The following TMEM108 variants were observed in gnomAD, a reference collection of about 807,000 sequenced individuals.
TMEM108 encodes cancer/testis antigen 124.
Under a neutral mutation model 35.1 loss-of-function variants are expected in TMEM108, and 12 were observed. The observed-to-expected ratio is 0.34, with a 90% confidence interval of 0.22 to 0.55. The LOEUF (loss-of-function observed/expected upper bound fraction) is 0.55. Among genes scored for constraint, TMEM108 ranks in the 20% least tolerant of loss-of-function variants. The pLI is 0.89. For synonymous variants in TMEM108, 287 were observed against 308.6 expected, an observed-to-expected ratio of 0.93 and a Z score of 0.73; for missense variants, 680 against 753.3, an observed-to-expected ratio of 0.90 and a Z score of 1.14.
At chr3:133,266,331 GCATGT>G (rs1293477303) in intron 3 of TMEM108, among the ~76,000 whole-genome samples, 1 of 152,168 alleles carries the variant, frequency 6.6e-6, no homozygotes, top group Non-Finnish European at 1.5e-5. Context: ...ATTCAAATAT[GCATGT>G]CTGGAGCTTA....
intron 2 of TMEM108, among the ~76,000 whole-genome samples, chr3:133,082,628 C>T (rs189247984): frequency 9.9e-5 from 15 of 152,088 alleles, no homozygotes; most frequent in African/African-American, 1.9e-4. Context: ...GTTTGCCAAG[C>T]GCTATTTTAA....
chr3:133,365,062 G>C (rs1171616641), intron 3 of TMEM108, among the ~76,000 whole-genome samples: 3 of 152,224 alleles, frequency 2.0e-5, no homozygotes, highest in Non-Finnish European at 4.4e-5. Context: ...TCCCAGGAAA[G>C]GCGTGTAACC....
intron 2 of TMEM108, among the ~76,000 whole-genome samples, chr3:133,168,425 C>T (rs993996729): frequency 3.3e-5 from 5 of 151,930 alleles, no homozygotes; most frequent in South Asian, 2.1e-4. Flanking sequence ...GAGAGGGAGG[C>T]GAGGGGGATT....
At chr3:133,163,628 C>T (rs1387749855) in intron 2 of TMEM108, among the ~76,000 whole-genome samples, 1 of 152,132 alleles carries the variant, frequency 6.6e-6, no homozygotes, top group Non-Finnish European at 1.5e-5. Flanking sequence ...CTCTAACCCC[C>T]TAAACCTTTC....
At chr3:133,288,908 G>A (rs2107693624) in intron 3 of TMEM108, among the ~76,000 whole-genome samples, 1 of 152,112 alleles carries the variant, frequency 6.6e-6, no homozygotes, top group East Asian at 1.9e-4. Flanking sequence ...GCTAATTTTT[G>A]TGTTTTTAGT....
In TMEM108 at chr3:133,155,132, G is replaced by A. The variant is rs139514537; in HGVS notation, c.-46-74134G>A. On this transcript the variant is annotated intron_variant, in intron 2 of 5. Coordinates refer to ENST00000321871, the MANE Select transcript of TMEM108 (RefSeq NM_023943.4). ...TATTTGGTTTTCTGATCTTGCATTC[G>A]TTTGGTAAGGATAATGGCCTCCAGT... Among the ~76,000 whole-genome samples, 543 of 152,156 alleles carry A rather than the reference G, an allele frequency of 3.6e-3. 4 individuals carry two copies. Among genetic ancestry groups the A allele is most frequent in the African/African-American group, 0.012 (508 of 41,508 alleles).
chr3:133,201,986 A>G (rs113214708), intron 2 of TMEM108, among the ~76,000 whole-genome samples: 2,286 of 152,148 alleles, frequency 0.015, 77 homozygotes, highest in African/African-American at 0.051. Context: ...TTTAATGATC[A>G]CCATTCTAAC....
At chr3:133,213,501 CA>C (rs1945863010) in intron 2 of TMEM108, among the ~76,000 whole-genome samples, 2 of 152,270 alleles carry the variant, frequency 1.3e-5, no homozygotes, top group South Asian at 2.1e-4. Flanking sequence ...AGTAGCCAAA[CA>C]AGAGTATTCT....
intron 3 of TMEM108, chr3:133,378,581 GTTGGCCC>G: frequency 2.0e-6 from 2 of 980,062 alleles, no homozygotes; most frequent in Non-Finnish European, 2.4e-6. Context: ...TCAGAGGACT[GTTGGCCC>G]TTCCTCAGCC....
At chr3:133,080,297 T>C (rs1943793291) in intron 2 of TMEM108, among the ~76,000 whole-genome samples, 1 of 152,212 alleles carries the variant, frequency 6.6e-6, no homozygotes, top group African/African-American at 2.4e-5. Context: ...AAGGAACTGA[T>C]GGCTATGTGA....
intron 2 of TMEM108, among the ~76,000 whole-genome samples, chr3:133,095,412 C>G (rs892702575): frequency 6.6e-6 from 1 of 152,186 alleles, no homozygotes; most frequent in Admixed American, 6.5e-5. Context: ...TGGAAGACAG[C>G]TTTTCCATGG....
chr3:133,243,921 G>T (rs1428415801), intron 3 of TMEM108, among the ~76,000 whole-genome samples: 2 of 152,134 alleles, frequency 1.3e-5, no homozygotes, highest in East Asian at 1.9e-4. Flanking sequence ...TATTAGGAAG[G>T]TTTCCCAGGA....
chr3:133,265,967 C>T (rs1292302150), intron 3 of TMEM108, among the ~76,000 whole-genome samples: 1 of 152,136 alleles, frequency 6.6e-6, no homozygotes, highest in African/African-American at 2.4e-5. Flanking sequence ...AGATAAATTC[C>T]TCTTATAATT....
At chr3:133,281,153 A>G (rs1946906356) in intron 3 of TMEM108, among the ~76,000 whole-genome samples, 1 of 152,218 alleles carries the variant, frequency 6.6e-6, no homozygotes, top group Non-Finnish European at 1.5e-5. Flanking sequence ...AACACAACGA[A>G]GGAAATACAG....
intron 3 of TMEM108, among the ~76,000 whole-genome samples, chr3:133,235,237 A>C (rs1365024377): frequency 6.6e-6 from 1 of 152,138 alleles, no homozygotes; most frequent in African/African-American, 2.4e-5. Flanking sequence ...TTCTTCACAG[A>C]ATTGGAAAAA....
intron 3 of TMEM108, chr3:133,303,408 C>T (rs1295043691): frequency 6.6e-6 from 1 of 152,144 alleles, no homozygotes; most frequent in Non-Finnish European, 1.5e-5. Flanking sequence ...GATAATGAAC[C>T]TTATCAAGGT....
chr3:133,169,323 T>G (rs1945093063), intron 2 of TMEM108, among the ~76,000 whole-genome samples: 1 of 5,086 alleles, frequency 2.0e-4, no homozygotes, highest in Non-Finnish European at 5.1e-4. Context: ...TCTTTGGACT[T>G]TCTGTATTTC....
intron 2 of TMEM108, among the ~76,000 whole-genome samples, chr3:133,138,307 A>G (rs1944593310): frequency 2.0e-5 from 3 of 152,190 alleles, no homozygotes; most frequent in South Asian, 2.1e-4. Context: ...CCCACAAGGA[A>G]TGACTTTCTG....
chr3:133,393,459 G>C (rs1382137006), intron 5 of TMEM108, among the ~76,000 whole-genome samples: 1 of 152,178 alleles, frequency 6.6e-6, no homozygotes, highest in Non-Finnish European at 1.5e-5. Context: ...GCACATGGTA[G>C]GTTCTTAGTA....
Sources: gnomAD v4.1 joint callset for allele counts (sites outside exome capture counted in the v4.1 genomes callset) on GRCh38, gnomAD v4.1.1 for gene constraint, MANE v1.5 for transcripts, NCBI Gene and HGNC (gene_info 2026-07-23, HGNC 2026-07-21) for gene names.